The following GAS7 variants were observed in gnomAD, a reference collection of about 807,000 sequenced individuals.
GAS7 encodes the protein growth arrest-specific protein 7.
In GAS7, 28 loss-of-function variants were observed where a neutral mutation model predicts 71.1. That is an observed-to-expected ratio of 0.39 (90% CI 0.29 to 0.54). The LOEUF is 0.54. Among genes scored for constraint, GAS7 ranks in the 20% least tolerant of loss-of-function variants. The pLI, the probability that GAS7 is intolerant of heterozygous loss-of-function variation, is 0.62. For missense variants in GAS7, 436 were observed against 627.8 expected (o/e 0.69, Z 3.27); for synonymous variants, 258 against 245.8 (o/e 1.05, Z -0.46).
chr17:10,037,005 G>A (rs565109238), intron 1 of GAS7, among the ~76,000 whole-genome samples: 2 of 152,142 alleles, frequency 1.3e-5, no homozygotes, highest in Admixed American at 6.5e-5. Context: ...CCCCGGCCCC[G>A]GCCCCAGCTG....
chr17:9,965,470 T>C (rs949410334), intron 4 of GAS7, among the ~76,000 whole-genome samples: 1 of 151,916 alleles, frequency 6.6e-6, no homozygotes, highest in African/African-American at 2.4e-5. Context: ...AATGGGACCA[T>C]ATGGACACCG....
At chr17:10,119,344 G>A (rs1223490551) in intron 1 of GAS7, among the ~76,000 whole-genome samples, 1 of 152,216 alleles carries the variant, frequency 6.6e-6, no homozygotes. Context: ...TCATTAAGTA[G>A]TTACTGAGTG....
Position 9,912,832 on chromosome 17 carries a change from A to C in GAS7, c.*4396T>G. ...CCAGGGCGAAAGGCTCAGTGTAAAA[A>C]TAAAGAAGCAGAGTAGTACGCCCAT... On this transcript the variant is annotated 3_prime_UTR_variant, in exon 14 of 14. Coordinates refer to ENST00000432992, the MANE Select transcript of GAS7 (RefSeq NM_201433.2). The C allele has an allele frequency of 4.3e-6, 1 of 232,762 alleles. No homozygotes were observed. The highest frequency in any genetic ancestry group is 8.5e-6 in the Non-Finnish European group (1 of 117,702). 14.4% of individuals were successfully genotyped at this position (232,762 alleles called of 1,614,324 possible).
chr17:10,102,108 C>G (rs1299085382), intron 1 of GAS7, among the ~76,000 whole-genome samples: 1 of 140,222 alleles, frequency 7.1e-6, no homozygotes, highest in Admixed American at 7.7e-5. Flanking sequence ...CATTTTTTTT[C>G]AAGGAAGAAA....
At chr17:10,078,898 T>G (rs1232551540) in intron 1 of GAS7, among the ~76,000 whole-genome samples, 1 of 152,124 alleles carries the variant, frequency 6.6e-6, no homozygotes, top group Non-Finnish European at 1.5e-5. Context: ...AAAAAAAATT[T>G]TTTTAATTAG....
At chr17:10,056,603 G>C (rs2073140008) in intron 1 of GAS7, among the ~76,000 whole-genome samples, 1 of 151,980 alleles carries the variant, frequency 6.6e-6, no homozygotes, top group Admixed American at 6.6e-5. Flanking sequence ...CGGGCGCAGT[G>C]GCTCACGCCT....
Position 10,026,109 on chromosome 17 carries a change from C to G in GAS7, c.184-6212G>C. 3 of 957,488 alleles carry G rather than the reference C, an allele frequency of 3.1e-6. No homozygotes were observed. The highest frequency in any genetic ancestry group is 1.2e-6 in the Non-Finnish European group (1 of 804,420). The allele number at this position is 957,488 out of a possible 1,614,324, so 59.3% of individuals were successfully genotyped here. A position where few individuals can be genotyped will look rare whatever the true frequency, so the allele number is the denominator to read the frequency against. ...GGATGCCACCTCCACCTCCGGGACT[C>G]TCTCCCCCTCCGGAGGTTTCTGAGA... On this transcript the variant is annotated intron_variant, in intron 1 of 13. Coordinates refer to ENST00000432992, the MANE Select transcript of GAS7 (RefSeq NM_201433.2). The surrounding 1 kb of genome is among the most constrained non-coding windows in gnomAD (Gnocchi z 4.5).
intron 2 of GAS7, among the ~76,000 whole-genome samples, chr17:9,990,094 C>A (rs2070783583): frequency 6.6e-6 from 1 of 152,072 alleles, no homozygotes; most frequent in Non-Finnish European, 1.5e-5. Context: ...ACGGTGAAAC[C>A]CCATCTCTAC....
intron 1 of GAS7, among the ~76,000 whole-genome samples, chr17:10,098,073 C>T (rs1400731453): frequency 1.3e-5 from 2 of 150,570 alleles, no homozygotes; most frequent in Non-Finnish European, 2.9e-5. Flanking sequence ...TACATTGGGA[C>T]TCGCCTCCTT....
chr17:10,069,013 T>C (rs1010174836), intron 1 of GAS7, among the ~76,000 whole-genome samples: 1 of 152,102 alleles, frequency 6.6e-6, no homozygotes, highest in Admixed American at 6.6e-5. Flanking sequence ...CATGTAGGCA[T>C]CCCCTGCCTA....
At chr17:10,192,561 T>G (rs1422896040) in intron 1 of GAS7, among the ~76,000 whole-genome samples, 1 of 152,196 alleles carries the variant, frequency 6.6e-6, no homozygotes, top group Non-Finnish European at 1.5e-5. Flanking sequence ...TTCATGTTTC[T>G]AGGTGGTAAC....
At chr17:10,071,587 T>G (rs1174992378) in intron 1 of GAS7, among the ~76,000 whole-genome samples, 1 of 152,074 alleles carries the variant, frequency 6.6e-6, no homozygotes, top group Non-Finnish European at 1.5e-5. Flanking sequence ...AAAAAAGTTT[T>G]GACTTAGCTT....
At chr17:10,147,815 C>G (rs2074132986) in intron 1 of GAS7, among the ~76,000 whole-genome samples, 1 of 152,094 alleles carries the variant, frequency 6.6e-6, no homozygotes, top group African/African-American at 2.4e-5. Context: ...AATCAGAGTA[C>G]CTTTATCTAG....
At chr17:9,923,091 T>C (rs1457608566) in intron 11 of GAS7, among the ~76,000 whole-genome samples, 2 of 152,158 alleles carry the variant, frequency 1.3e-5, no homozygotes, top group Non-Finnish European at 2.9e-5. Flanking sequence ...GTATTTTTAG[T>C]AGAGACGAGG....
intron 2 of GAS7, among the ~76,000 whole-genome samples, chr17:9,996,705 C>T (rs1483675436): frequency 6.6e-6 from 1 of 151,638 alleles, no homozygotes; most frequent in Non-Finnish European, 1.5e-5. Flanking sequence ...GTGGCGTGAT[C>T]TTGGCTCACT....
At chr17:9,921,574 G>T (rs182581022) in intron 11 of GAS7, among the ~76,000 whole-genome samples, 2 of 152,286 alleles carry the variant, frequency 1.3e-5, no homozygotes, top group East Asian at 3.9e-4. Flanking sequence ...AGTAGGTGAA[G>T]GGGGCTGTAC....
At chr17:10,173,698 G>C (rs2074351955) in intron 1 of GAS7, among the ~76,000 whole-genome samples, 1 of 151,900 alleles carries the variant, frequency 6.6e-6, no homozygotes, top group Non-Finnish European at 1.5e-5. Context: ...AATGCGGGAG[G>C]GGGAGCTTGT....
chr17:10,150,868 C>T (rs746731606), intron 1 of GAS7, among the ~76,000 whole-genome samples: 1 of 152,174 alleles, frequency 6.6e-6, no homozygotes, highest in Non-Finnish European at 1.5e-5. Context: ...GGATTACAGG[C>T]GTGAGCCACC....
At chr17:10,035,689 G>T (rs531922271) in intron 1 of GAS7, among the ~76,000 whole-genome samples, 1 of 152,282 alleles carries the variant, frequency 6.6e-6, no homozygotes, top group South Asian at 2.1e-4. Context: ...CTCTCTTGGA[G>T]GTCCTCCTTT....
Sources: allele counts gnomAD v4.1 joint callset (sites outside exome capture counted in the v4.1 genomes callset), GRCh38; gene constraint gnomAD v4.1.1; non-coding constraint Gnocchi (gnomAD v3.1); transcripts MANE v1.5; gene names NCBI Gene and HGNC (gene_info 2026-07-23, HGNC 2026-07-21).